MTUS2: variants seen among roughly 807,000 people sequenced by gnomAD.
MTUS2 encodes microtubule associated scaffold protein 2, also known as microtubule-associated tumor suppressor candidate 2.
Under a neutral mutation model 114.1 loss-of-function variants are expected in MTUS2, and 40 were observed. The ratio of observed to expected loss-of-function variants is 0.35; its 90% CI spans 0.27 to 0.46. The LOEUF (loss-of-function observed/expected upper bound fraction) is 0.46. MTUS2 is among the 20% of genes least tolerant of loss of function. The probability of loss-of-function intolerance (pLI) is 1.00; values close to 1 mark genes in which losing one functional copy is unlikely to be tolerated. For missense variants in MTUS2, 1,679 were observed against 1,705.4 expected (o/e 0.98, Z 0.27); for synonymous variants, 688 against 672.0 (o/e 1.02, Z -0.37).
intron 2 of MTUS2, among the ~76,000 whole-genome samples, chr13:28,951,246 C>T (rs796426695): frequency 3.3e-5 from 5 of 152,144 alleles, no homozygotes; most frequent in African/African-American, 9.7e-5. Context: ...ACACTGAAAA[C>T]TATTTTGATA....
intron 8 of MTUS2, among the ~76,000 whole-genome samples, chr13:29,402,013 T>TTG (rs1022308061): frequency 2.0e-5 from 3 of 151,118 alleles, no homozygotes; most frequent in Admixed American, 1.3e-4. Flanking sequence ...AATACTTGAG[T>TTG]TGTGTGTGTG....
At chr13:29,215,495 T>C (rs4608190) in intron 5 of MTUS2, among the ~76,000 whole-genome samples, 96,987 of 135,990 alleles carry the variant, frequency 0.71, 34,162 homozygotes, top group East Asian at 0.79. Context: ...TTTTTTTTTT[T>C]CCCCATCTTT....
At chr13:29,112,982 A>G (rs930490328) in intron 5 of MTUS2, among the ~76,000 whole-genome samples, 3 of 152,164 alleles carry the variant, frequency 2.0e-5, no homozygotes, top group Non-Finnish European at 4.4e-5. Context: ...GCATGGGGGA[A>G]TTGCAGAGTT....
Position 29,328,597 on chromosome 13 carries a change from TGAA to T in MTUS2, c.2905+3888_2905+3890del, listed in dbSNP as rs1490960506. On this transcript the variant is annotated intron_variant, in intron 7 of 15. Transcript: ENST00000612955. ...GAGACCAAGGTTCTTAGTATGTAAATGAAGCCTCATATGTGGCAGCCCTCAGAG... is the reference window on the plus strand; with the variant it reads ...GAGACCAAGGTTCTTAGTATGTAAATGCCTCATATGTGGCAGCCCTCAGAG... Among the ~76,000 whole-genome samples the T allele has an allele frequency of 4.6e-5, 7 of 152,322 alleles. No individual in the cohort carries two copies. The East Asian group carries it at 1.2e-3, about 25-fold the overall frequency.
At chr13:29,131,269 A>G (rs944520967) in intron 5 of MTUS2, among the ~76,000 whole-genome samples, 5 of 152,256 alleles carry the variant, frequency 3.3e-5, no homozygotes. Flanking sequence ...TGTAGTTAAG[A>G]GAAGCTGAGC....
At chr13:28,960,449 A>G (rs960640310) in intron 2 of MTUS2, among the ~76,000 whole-genome samples, 8 of 137,786 alleles carry the variant, frequency 5.8e-5, no homozygotes, top group African/African-American at 2.9e-4. Flanking sequence ...AGTATTGTTC[A>G]TAACATTCAA....
chr13:28,896,084 G>A (rs1487091003), intron 2 of MTUS2, among the ~76,000 whole-genome samples: 1 of 152,240 alleles, frequency 6.6e-6, no homozygotes, highest in Non-Finnish European at 1.5e-5. Flanking sequence ...ATTGATTATT[G>A]GAGTAATTGT....
intron 7 of MTUS2, among the ~76,000 whole-genome samples, chr13:29,333,382 A>T (rs1900891070): frequency 6.6e-6 from 1 of 152,004 alleles, no homozygotes; most frequent in Admixed American, 6.5e-5. Flanking sequence ...TTTTTAGTAG[A>T]GATGGGGTTT....
At chr13:29,443,852 G>A (rs1268590996) in intron 9 of MTUS2, among the ~76,000 whole-genome samples, 2 of 152,154 alleles carry the variant, frequency 1.3e-5, no homozygotes, top group Non-Finnish European at 2.9e-5. Flanking sequence ...GAGTCTAATG[G>A]GAGCTGGACG....
chr13:29,187,877 G>A (rs1015494598), intron 5 of MTUS2, among the ~76,000 whole-genome samples: 11 of 152,034 alleles, frequency 7.2e-5, no homozygotes, highest in African/African-American at 2.2e-4. Context: ...TTCATAATGT[G>A]TCCCTTACCC....
intron 2 of MTUS2, among the ~76,000 whole-genome samples, chr13:28,935,006 G>GTTTTTTTTTTTTTTTT (rs775863792): frequency 4.8e-5 from 2 of 41,448 alleles, no homozygotes; most frequent in African/African-American, 2.5e-4. Context: ...TCTCCATAGC[G>GTTTTTTTTTTTTTTTT]TTTTTTTTTT....
At chr13:29,245,556 G>GAGAAAGTCTTCATAT (rs1896889953) in intron 5 of MTUS2, among the ~76,000 whole-genome samples, 2 of 152,190 alleles carry the variant, frequency 1.3e-5, no homozygotes, top group African/African-American at 4.8e-5. Flanking sequence ...ACTCATGAAA[G>GAGAAAGTCTTCATAT]AGAAAGTCTT....
intron 2 of MTUS2, among the ~76,000 whole-genome samples, chr13:28,906,302 G>C (rs1303527093): frequency 6.6e-6 from 1 of 150,974 alleles, no homozygotes; most frequent in Non-Finnish European, 1.5e-5. Context: ...GCTAGCTTTT[G>C]AATGTGTTTG....
At chr13:28,879,231 G>A (rs561229143) in intron 2 of MTUS2, among the ~76,000 whole-genome samples, 42 of 152,070 alleles carry the variant, frequency 2.8e-4, no homozygotes, top group Admixed American at 1.2e-3. Context: ...TTGTCAGATG[G>A]ATAGATTGCA....
intron 5 of MTUS2, among the ~76,000 whole-genome samples, chr13:29,253,468 T>C (rs1032398383): frequency 6.6e-6 from 1 of 151,910 alleles, no homozygotes. Flanking sequence ...AAAAATCACA[T>C]CCTCCTGTGG....
chr13:29,457,723 A>G (rs931147212), intron 9 of MTUS2, among the ~76,000 whole-genome samples: 2 of 152,134 alleles, frequency 1.3e-5, no homozygotes, highest in East Asian at 1.9e-4. Flanking sequence ...AACACCAAAC[A>G]GTTCTCCAAA....
intron 2 of MTUS2, among the ~76,000 whole-genome samples, chr13:28,938,379 CAAA>C (rs200546939): frequency 9.5e-6 from 1 of 105,586 alleles, no homozygotes; most frequent in Non-Finnish European, 2.0e-5. Flanking sequence ...GACTCTGTCT[CAAA>C]AAAAAAAAAA....
At chr13:29,286,646 C>CT (rs983583450) in intron 6 of MTUS2, among the ~76,000 whole-genome samples, 2 of 148,038 alleles carry the variant, frequency 1.4e-5, no homozygotes, top group African/African-American at 5.0e-5. Flanking sequence ...CATGCACTAT[C>CT]TATCTGTCTG....
intron 10 of MTUS2, among the ~76,000 whole-genome samples, chr13:29,482,715 A>G (rs1881287835): frequency 6.6e-6 from 1 of 152,242 alleles, no homozygotes; most frequent in African/African-American, 2.4e-5. Flanking sequence ...CAGGGTGTGG[A>G]GGAATTGAGA....
Sources: allele counts gnomAD v4.1 joint callset (sites outside exome capture counted in the v4.1 genomes callset), GRCh38; gene constraint gnomAD v4.1.1; transcripts MANE v1.5; gene names NCBI Gene and HGNC (gene_info 2026-07-23, HGNC 2026-07-21).